DCDC2: variants seen among roughly 807,000 people sequenced by gnomAD.
DCDC2 encodes the protein doublecortin domain-containing protein 2.
DCDC2 carries 40 observed loss-of-function variants against 50.2 expected under a neutral mutation model. That is an observed-to-expected ratio of 0.80 (90% CI 0.62 to 1.04). The LOEUF (loss-of-function observed/expected upper bound fraction) is 1.04, where lower values mean the gene tolerates loss of function less well. DCDC2 is among the 50% of genes least tolerant of loss of function. The pLI is 0.00. For synonymous variants in DCDC2, 234 were observed against 210.6 expected, an observed-to-expected ratio of 1.11 and a Z score of -0.96; for missense variants, 570 against 581.9, an observed-to-expected ratio of 0.98 and a Z score of 0.21.
At chr6:24,375,425 C>T in the DCDC2 span, among the ~76,000 whole-genome samples, 3 of 152,098 alleles carry the variant, frequency 2.0e-5, no homozygotes, top group African/African-American at 2.4e-5. Flanking sequence ...AAACTCCCCC[C>T]CCCAACCCCG....
chr6:24,291,938 A>G (rs9467103), intron 4 of DCDC2, among the ~76,000 whole-genome samples: 1,855 of 152,280 alleles, frequency 0.012, 46 homozygotes, highest in African/African-American at 0.041. Flanking sequence ...GGCAGGAGGT[A>G]AAAGAACCCA....
At position 24,326,579 on chromosome 6, in the gene DCDC2, C is replaced by A. The variant is rs527792416; in HGVS notation, c.349-24535G>T. Reference sequence around the variant, plus strand: ...ATCAATAAAAAGCATGTATGATGAGCGGGCATGGAGGCTTATGCCTATAAC... The same window carrying A: ...ATCAATAAAAAGCATGTATGATGAGAGGGCATGGAGGCTTATGCCTATAAC... On this transcript the variant is annotated intron_variant, in intron 2 of 9. Transcript: ENST00000378454. Among the ~76,000 whole-genome samples, 2 of 148,978 alleles carry A rather than the reference C, an allele frequency of 1.3e-5. 1 individual carries two copies. The highest frequency in any genetic ancestry group is 3.0e-5 in the Non-Finnish European group (2 of 67,076).
chr6:24,175,403 C>T (rs1271436802), intron 9 of DCDC2, among the ~76,000 whole-genome samples: 7 of 152,092 alleles, frequency 4.6e-5, no homozygotes, highest in Non-Finnish European at 1.0e-4. Flanking sequence ...CACCTTTCCC[C>T]GACTACACTG....
In DCDC2 at chr6:24,263,627, C is replaced by A. The variant is rs11967426; in HGVS notation, c.922+14422G>T. On this transcript the variant is annotated intron_variant, in intron 7 of 9. Transcript: ENST00000378454. Reference sequence around the variant, plus strand: ...AAAGTCGCTCAATAGCAGAAATGATCAAGCAGAAAAAAAATAATTAGCTTG... The same window carrying A: ...AAAGTCGCTCAATAGCAGAAATGATAAAGCAGAAAAAAAATAATTAGCTTG... Among the ~76,000 whole-genome samples, 561 of 151,984 alleles carry A rather than the reference C, an allele frequency of 3.7e-3. 3 individuals are homozygous for A. Among genetic ancestry groups the A allele is most frequent in the African/African-American group, 0.012 (502 of 41,448 alleles).
At chr6:24,192,866 A>C (rs1368213638) in intron 8 of DCDC2, among the ~76,000 whole-genome samples, 1 of 152,044 alleles carries the variant, frequency 6.6e-6, no homozygotes, top group Admixed American at 6.6e-5. Flanking sequence ...TTTTTTTCCA[A>C]AACTGAAAGC....
upstream of DCDC2, among the ~76,000 whole-genome samples, chr6:24,358,624 G>A (rs1464601607): frequency 7.0e-6 from 1 of 142,706 alleles, no homozygotes; most frequent in Non-Finnish European, 1.5e-5. Flanking sequence ...CGAGGCTGCA[G>A]TAACCTATGA....
chr6:24,273,184 A>G (rs537247306), intron 7 of DCDC2, among the ~76,000 whole-genome samples: 1 of 152,350 alleles, frequency 6.6e-6, no homozygotes, highest in South Asian at 2.1e-4. Flanking sequence ...TCAGAAATGT[A>G]AAGTCAAATG....
At chr6:24,381,106 A>C in the DCDC2 span, among the ~76,000 whole-genome samples, 203 of 152,138 alleles carry the variant, frequency 1.3e-3, 2 homozygotes, top group African/African-American at 4.8e-3. Flanking sequence ...AAAGAATTAG[A>C]AAAACACGTT....
chr6:24,175,216 G>A (rs1421850735), intron 9 of DCDC2, among the ~76,000 whole-genome samples: 1 of 152,122 alleles, frequency 6.6e-6, no homozygotes, highest in East Asian at 1.9e-4. Flanking sequence ...CCTAATTTTA[G>A]TTTCCTCCTA....
At chr6:24,205,324 G>A (rs1231201907) in intron 7 of DCDC2, 1 of 1,524,640 alleles carries the variant, frequency 6.6e-7, no homozygotes, top group Non-Finnish European at 8.8e-7. Flanking sequence ...TGACCCAGCA[G>A]GGTAAAGTTC....
At chr6:24,214,291 A>G (rs1761932327) in intron 7 of DCDC2, among the ~76,000 whole-genome samples, 1 of 152,202 alleles carries the variant, frequency 6.6e-6, no homozygotes, top group Non-Finnish European at 1.5e-5. Context: ...TTAACTTTAA[A>G]TAGGTGTAGC....
At chr6:24,179,681 A>G (rs370146518) in intron 8 of DCDC2, among the ~76,000 whole-genome samples, 4 of 142,032 alleles carry the variant, frequency 2.8e-5, no homozygotes, top group South Asian at 4.7e-4. Context: ...GAGGCCAGGC[A>G]CGGTGGCTTA....
upstream of DCDC2, among the ~76,000 whole-genome samples, chr6:24,360,559 G>A (rs751570089): frequency 1.3e-5 from 2 of 152,094 alleles, no homozygotes; most frequent in African/African-American, 2.4e-5. Context: ...GGAGTTGTGA[G>A]AATAGTAACA....
intron 7 of DCDC2, among the ~76,000 whole-genome samples, chr6:24,241,027 T>C (rs771837702): frequency 3.9e-5 from 6 of 152,190 alleles, no homozygotes; most frequent in Non-Finnish European, 5.9e-5. Flanking sequence ...AAGTCATTTT[T>C]TGTTGGTTGT....
rs537131156 is a variant in DCDC2 at position 24,251,904 on chromosome 6, T to C, written c.922+26145A>G. Among the ~76,000 whole-genome samples the C allele has an allele frequency of 2.0e-5, 3 of 152,236 alleles. No individual in the cohort carries two copies. In the East Asian group the frequency reaches 5.8e-4, roughly 29 times the overall value. ...AAAATGTTACATTCACCACATCAAA[T>C]CCCTGTGCACATATTCATCATCTCC... On this transcript the variant is annotated intron_variant, in intron 7 of 9. Coordinates refer to ENST00000378454, the MANE Select transcript of DCDC2 (RefSeq NM_016356.5).
intron 7 of DCDC2, among the ~76,000 whole-genome samples, chr6:24,246,113 A>G (rs1399358573): frequency 6.6e-6 from 1 of 152,124 alleles, no homozygotes; most frequent in Admixed American, 6.5e-5. Context: ...GGTATAAGCC[A>G]CCGCGCCCGG....
chr6:24,182,178 C>A (rs77136685), intron 8 of DCDC2, among the ~76,000 whole-genome samples: 2 of 152,038 alleles, frequency 1.3e-5, no homozygotes, highest in East Asian at 3.9e-4. Flanking sequence ...GAATGAAAGA[C>A]CTAAATGTAA....
At chr6:24,333,722 A>C (rs1463941741) in intron 2 of DCDC2, among the ~76,000 whole-genome samples, 1 of 152,200 alleles carries the variant, frequency 6.6e-6, no homozygotes, top group Non-Finnish European at 1.5e-5. Flanking sequence ...GGATCAGATT[A>C]GTGTTTCCAT....
chr6:24,343,323 A>G (rs1160294125), intron 2 of DCDC2, among the ~76,000 whole-genome samples: 1 of 152,142 alleles, frequency 6.6e-6, no homozygotes, highest in African/African-American at 2.4e-5. Context: ...TGCTGGGATT[A>G]CAGGCGTCAG....
Sources: allele counts gnomAD v4.1 joint callset (sites outside exome capture counted in the v4.1 genomes callset), GRCh38; gene constraint gnomAD v4.1.1; transcripts MANE v1.5; gene names NCBI Gene and HGNC (gene_info 2026-07-23, HGNC 2026-07-21).